Variants in HOXA10 observed in about 807,000 individuals in gnomAD.
HOXA10 encodes homeobox protein Hox-A10.
A neutral mutation model predicts 29.7 loss-of-function variants in HOXA10; 12 were observed. That is an observed-to-expected ratio of 0.40 (90% CI 0.26 to 0.65). The LOEUF is 0.65. Ranked by LOEUF, HOXA10 falls within the 30% of genes least tolerant of loss-of-function variation. HOXA10 has a pLI of 0.37. For synonymous variants in HOXA10, 327 were observed against 280.7 expected (o/e 1.16, Z -1.65); for missense variants, 656 against 585.9 (o/e 1.12, Z -1.24).
At chr7:27,179,682 T>A (rs1233096267) in exon 1 of HOXA10, 3 of 777,904 alleles carry the variant, frequency 3.9e-6, no homozygotes, top group South Asian at 2.7e-5. Context: ...AAGGGACAGC[T>A]GGCTTCTCCG....
upstream of HOXA10, among the ~76,000 whole-genome samples, chr7:27,176,179 AAG>A (rs572935359): frequency 6.6e-6 from 1 of 152,250 alleles, no homozygotes; most frequent in South Asian, 2.1e-4. Flanking sequence ...AGGGAGAGAA[AAG>A]AGAGAGAAAC....
upstream of HOXA10, chr7:27,175,256 A>C (rs902476787): frequency 7.2e-5 from 11 of 152,470 alleles, no homozygotes; most frequent in Non-Finnish European, 2.9e-5. Context: ...TGGCTGGCCC[A>C]AAGTGAGAGA....
At chr7:27,179,242 A>C (rs1783707128), upstream of HOXA10, among the ~76,000 whole-genome samples, 1 of 151,790 alleles carries the variant, frequency 6.6e-6, no homozygotes, top group Admixed American at 6.6e-5. Flanking sequence ...AGCTCGCCTT[A>C]GCGGCCGCAG....
chr7:27,173,295 C>T (rs1783552023), intron 1 of HOXA10, 54 bp downstream of exon 1: 2 of 1,606,700 alleles, frequency 1.2e-6, no homozygotes, highest in Non-Finnish European at 1.7e-6. Context: ...TCCTTCTCCT[C>T]CTTGTGTCTG....
chr7:27,172,765 T>C (rs2115450956), intron 1 of HOXA10: 1 of 165,652 alleles, frequency 6.0e-6, no homozygotes, highest in African/African-American at 2.4e-5. Flanking sequence ...GGAAGGGAAA[T>C]GGCCCTTCTC....
At chr7:27,177,253 C>A (rs1337689692), upstream of HOXA10, among the ~76,000 whole-genome samples, 2 of 152,216 alleles carry the variant, frequency 1.3e-5, no homozygotes, top group African/African-American at 2.4e-5. Flanking sequence ...CTGTGGTGAG[C>A]CAGATGTGTT....
Position 27,174,233 on chromosome 7 carries a change from G to A in HOXA10, c.74C>T (p.Ala25Val), listed in dbSNP as rs1339766642. ...PTTMSCSESPAANSFLVDSLI... is the reference protein window; with the variant it reads ...PTTMSCSESPVANSFLVDSLI... Reference sequence around the variant, plus strand: ...CGAGTCGACCAAAAAAGAGTTCGCGGCGGGGCTCTCCGAGCATGACATTGT... The same window carrying A: ...CGAGTCGACCAAAAAAGAGTTCGCGACGGGGCTCTCCGAGCATGACATTGT... Residue 25 changes from alanine (A) to valine (V), a missense_variant, in exon 1 of 2, where the codon GCC (alanine) becomes GTC (valine). This residue lies in a region of HOXA10 where 594 missense variants were observed against 491.9 expected (regional missense o/e 1.21). Transcript: ENST00000283921. The A allele has an allele frequency of 3.1e-6, 5 of 1,600,406 alleles. No individual in the cohort carries two copies. Among genetic ancestry groups the A allele is most frequent in the Non-Finnish European group, 4.2e-6 (5 of 1,179,838 alleles).
Position 27,171,637 on chromosome 7 carries a change from G to T in HOXA10, c.*262C>A. ...AGCCCAGTCAGGACTTGACACTTAG[G>T]ACAATATCTATCTCTATAGAATTTT... is the stretch of plus-strand genomic sequence containing the variant. On this transcript the variant is annotated 3_prime_UTR_variant, in exon 2 of 2. Coordinates refer to ENST00000283921, the MANE Select transcript of HOXA10 (RefSeq NM_018951.4). 1.6e-6 allele frequency: 1 copy of T among 620,530 alleles called. No homozygotes were observed. The highest frequency in any genetic ancestry group is 1.5e-5 in the South Asian group (1 of 65,974). The allele number at this position is 620,530 out of a possible 1,614,324, so 38.4% of individuals were successfully genotyped here.
intron 1 of HOXA10, chr7:27,179,619 G>C: frequency 2.6e-6 from 2 of 776,880 alleles, no homozygotes; most frequent in South Asian, 2.7e-5. Flanking sequence ...CCACCAGACT[G>C]AAATTGCTAA....
In HOXA10 at chr7:27,173,765, A is replaced by C; in HGVS notation, c.542T>G (p.Val181Gly). Residue 181 changes from valine (V) to glycine (G), a missense_variant, in exon 1 of 2, where the codon GTC becomes GGC. Transcript: ENST00000283921. ...AGCCAGTTCGGCGGCGGTGGCCGAG[A>C]CTTTGGGGCATTTGTCCGCCGAGTC... is the stretch of plus-strand genomic sequence containing the variant. ...LYDSADKCPK[V>G]SATAAELAPF... 6.2e-7 allele frequency: 1 copy of C among 1,607,600 alleles called. No individual in the cohort carries two copies.
rs1032966692 is a variant in HOXA10, at chr7:27,173,581, G to T, written c.726C>A (p.Pro242=). The T allele has an allele frequency of 3.8e-5, 56 of 1,476,936 alleles. 1 individual carries two copies. The Admixed American group carries it at 1.4e-3, about 36-fold the overall frequency. The allele number at this position is 1,476,936 out of a possible 1,614,324, so 91.5% of individuals were successfully genotyped here. A position where few individuals can be genotyped will look rare whatever the true frequency, so the allele number is the denominator to read the frequency against. ...CGAAACCGCGCCCCGGGGGCTGCGC[G>T]GGGAACGGGCCAGCCCCGAGTTGCT... ...GAQQLGAGPF[P]AQPPGRGFDL... The change falls in exon 1 of 2, where the codon CCC becomes CCA. Residue 242 remains proline, a synonymous_variant. Coordinates refer to ENST00000283921, the MANE Select transcript of HOXA10 (RefSeq NM_018951.4).
chr7:27,179,708 G>T, exon 1 of HOXA10: 2 of 769,396 alleles, frequency 2.6e-6, no homozygotes, highest in Non-Finnish European at 4.8e-6. Flanking sequence ...CGACGCTCGC[G>T]AGGCCTAGCG....
rs746605571 is a variant in HOXA10, at chr7:27,173,330, C to A, written c.958+19G>T. On this transcript the variant is annotated intron_variant, in intron 1 of 1. Transcript: ENST00000283921. ...GCCTGTCTGCCCGCCTGACTGCAGCCCTCTGCAGCCCTGCTTACCCAGGGA... is the reference window on the plus strand; with the variant it reads ...GCCTGTCTGCCCGCCTGACTGCAGCACTCTGCAGCCCTGCTTACCCAGGGA... 2 of 1,611,422 alleles carry A rather than the reference C, an allele frequency of 1.2e-6. No individual in the cohort carries two copies. Among genetic ancestry groups the A allele is most frequent in the Non-Finnish European group, 1.7e-6 (2 of 1,179,656 alleles).
chr7:27,176,575 G>A (rs1783657961), upstream of HOXA10, among the ~76,000 whole-genome samples: 1 of 152,246 alleles, frequency 6.6e-6, no homozygotes, highest in Non-Finnish European at 1.5e-5. Context: ...CACTGCCCAT[G>A]CCTCTCAGAA....
chr7:27,172,231 C>G, intron 1 of HOXA10, 58 bp from the exon 2 acceptor site: 1 of 1,562,334 alleles, frequency 6.4e-7, no homozygotes, highest in South Asian at 1.1e-5. Flanking sequence ...GGGCTGCCCG[C>G]GGGGGTGAAT....
In HOXA10 at chr7:27,174,061, G is replaced by A; in HGVS notation, c.246C>T (p.Pro82=). ...PYGLQSCGLF[P]TLGGKRNEAA... ...CCTCATTGCGCTTGCCGCCCAGCGT[G>A]GGGAAGAGCCCGCAGCTCTGCAGCC... is the stretch of plus-strand genomic sequence containing the variant. Residue 82 remains proline (P), a synonymous_variant, in exon 1 of 2, where the codon CCC becomes CCT. Transcript: ENST00000283921. The A allele has an allele frequency of 6.5e-7, 1 of 1,550,370 alleles. No homozygotes were observed. Among genetic ancestry groups the A allele is most frequent in the East Asian group, 2.4e-5 (1 of 42,270 alleles).
rs1783560958 is a variant in HOXA10, at chr7:27,173,444, C to T, written c.863G>A (p.Gly288Asp). Residue 288 changes from glycine (G) to aspartate (D), a missense_variant, in exon 1 of 2, where the codon GGC (glycine) becomes GAC (aspartate). Gly to Asp is a moderately conservative substitution (Grantham distance 94). Transcript: ENST00000283921. The stretch of plus-strand genomic sequence containing the variant: ...GGACGACGCGTGCGCCTCCTCGTCG[C>T]CCTGCGAGCCCCCGCCGCTGCCGCA... ...LACGSGGGSQ[G>D]DEEAHASSSA... 2 of 1,543,608 alleles carry T rather than the reference C, an allele frequency of 1.3e-6. No homozygotes were observed. The highest frequency in any genetic ancestry group is 1.7e-6 in the Non-Finnish European group (2 of 1,147,278).
At position 27,171,464 on chromosome 7, in the gene HOXA10, C is replaced by T. The variant is rs1783484855; in HGVS notation, c.*435G>A. The stretch of plus-strand genomic sequence containing the variant: ...AGGCAGACATGCCCGGTGGCGGCTC[C>T]TTTGCACCATTGACCTCAGGCCAGA... On this transcript the variant is annotated 3_prime_UTR_variant, in exon 2 of 2. Transcript: ENST00000283921. 2.2e-6 allele frequency: 1 copy of T among 457,446 alleles called. No individual in the cohort carries two copies. Among genetic ancestry groups the T allele is most frequent in the African/African-American group, 2.0e-5 (1 of 50,148 alleles). The allele number at this position is 457,446 out of a possible 1,614,324, so 28.3% of individuals were successfully genotyped here. A position where few individuals can be genotyped will look rare whatever the true frequency, so the allele number is the denominator to read the frequency against.
Position 27,171,099 on chromosome 7 carries a change from C to G in HOXA10, c.*800G>C. The G allele has an allele frequency of 4.5e-6, 2 of 449,324 alleles. No homozygotes were observed. The highest frequency in any genetic ancestry group is 8.9e-6 in the Non-Finnish European group (2 of 225,576). 27.8% of individuals were successfully genotyped at this position (449,324 alleles called of 1,614,324 possible). A position where few individuals can be genotyped will look rare whatever the true frequency, so the allele number is the denominator to read the frequency against. On this transcript the variant is annotated 3_prime_UTR_variant, in exon 2 of 2. Coordinates refer to ENST00000283921, the MANE Select transcript of HOXA10 (RefSeq NM_018951.4). ...AATCCACTAATTCCAAATGCATAAA[C>G]AAAACTACATTATTTATCTACAGCC...
Sources: allele counts gnomAD v4.1 joint callset (sites outside exome capture counted in the v4.1 genomes callset), GRCh38; gene constraint gnomAD v4.1.1; regional missense constraint gnomAD v4.1.1; transcripts MANE v1.5; gene names NCBI Gene and HGNC (gene_info 2026-07-23, HGNC 2026-07-21).